Variants in MINDY2 observed in about 807,000 individuals in gnomAD.
MINDY2 encodes the protein ubiquitin carboxyl-terminal hydrolase MINDY-2.
MINDY2 carries 52 observed loss-of-function variants against 68.2 expected under a neutral mutation model. The observed-to-expected ratio is 0.76, with a 90% CI of 0.61 to 0.96. The LOEUF (loss-of-function observed/expected upper bound fraction) is 0.96, where lower values mean the gene tolerates loss of function less well. Among genes scored for constraint, MINDY2 ranks in the 40% least tolerant of loss-of-function variants. The pLI, the probability that MINDY2 is intolerant of heterozygous loss-of-function variation, is 0.00. For missense variants in MINDY2, 881 were observed against 773.4 expected (o/e 1.14, Z -1.65); for synonymous variants, 372 against 303.0 (o/e 1.23, Z -2.36).
intron 6 of MINDY2, among the ~76,000 whole-genome samples, chr15:58,835,558 C>G (rs1314991873): frequency 6.6e-6 from 1 of 152,092 alleles, no homozygotes; most frequent in Non-Finnish European, 1.5e-5. Flanking sequence ...GAGGCTGAGG[C>G]AGGAGAATCG....
In MINDY2 at chr15:58,821,812, T is replaced by C; in HGVS notation, c.1218T>C (p.Val406=). The change falls in exon 5 of 9, where the codon GTT becomes GTC. Residue 406 remains valine, a synonymous_variant. Coordinates refer to ENST00000559228, the MANE Select transcript of MINDY2 (RefSeq NM_001040450.3). Reference sequence around the variant, plus strand: ...AACAGTCAGACAATAGTGAGCTGGTTAGTGAAGGTGGGTGAGTGCTGCTAT... The same window carrying C: ...AACAGTCAGACAATAGTGAGCTGGTCAGTGAAGGTGGGTGAGTGCTGCTAT... ...SCKQSDNSEL[V]SEGFVAEQFL... 6.3e-7 allele frequency: 1 copy of C among 1,582,542 alleles called. No individual in the cohort carries two copies. Among genetic ancestry groups the C allele is most frequent in the Non-Finnish European group, 8.6e-7 (1 of 1,168,012 alleles).
chr15:58,777,315 A>C (rs1442465290), intron 1 of MINDY2, among the ~76,000 whole-genome samples: 1 of 152,170 alleles, frequency 6.6e-6, no homozygotes, highest in Non-Finnish European at 1.5e-5. Flanking sequence ...GATCATCTGA[A>C]ATTATTAGAA....
rs1413171460 is a variant in MINDY2, at chr15:58,860,748, CAT to C, written c.*6139_*6140del. ...CCTTACATTGTGAACATAATTGCAA[CAT>C]GTTTTAAGACAAACAGTATTTAATC... On this transcript the variant is annotated 3_prime_UTR_variant, in exon 9 of 9. Coordinates refer to ENST00000559228, the MANE Select transcript of MINDY2 (RefSeq NM_001040450.3). 1 of 152,110 alleles carries C rather than the reference CAT, an allele frequency of 6.6e-6. No individual in the cohort carries two copies. The highest frequency in any genetic ancestry group is 1.5e-5 in the Non-Finnish European group (1 of 68,038). The allele number at this position is 152,110 out of a possible 1,614,324, so 9.4% of individuals were successfully genotyped here.
intron 1 of MINDY2, among the ~76,000 whole-genome samples, chr15:58,775,859 ATTTT>A (rs544164455): frequency 2.1e-5 from 3 of 139,594 alleles, no homozygotes; most frequent in Non-Finnish European, 3.1e-5. Flanking sequence ...AAGAGGCTAA[ATTTT>A]TTTTTTTTTT....
chr15:58,803,743 G>A (rs1040409891), intron 3 of MINDY2, among the ~76,000 whole-genome samples: 1 of 152,006 alleles, frequency 6.6e-6, no homozygotes, highest in Non-Finnish European at 1.5e-5. Context: ...TTGAACCAGG[G>A]AGGCGGAGGT....
intron 6 of MINDY2, among the ~76,000 whole-genome samples, chr15:58,842,717 A>C (rs1427926050): frequency 6.6e-6 from 1 of 152,220 alleles, no homozygotes; most frequent in Non-Finnish European, 1.5e-5. Context: ...CTGTTTATGA[A>C]GCAGTTAGAG....
chr15:58,839,045 C>T (rs1008544009), intron 6 of MINDY2, among the ~76,000 whole-genome samples: 4 of 151,812 alleles, frequency 2.6e-5, no homozygotes, highest in Non-Finnish European at 4.4e-5. Flanking sequence ...ACTGGTTGTA[C>T]CAATTTCTAT....
intron 2 of MINDY2, chr15:58,795,999 C>G (rs967808717): frequency 6.9e-6 from 3 of 437,848 alleles, no homozygotes; most frequent in South Asian, 3.3e-5. Flanking sequence ...AGAATACTCT[C>G]TTTATGACTT....
chr15:58,773,300 A>T (rs1676933031), intron 1 of MINDY2, among the ~76,000 whole-genome samples: 2 of 152,218 alleles, frequency 1.3e-5, no homozygotes, highest in South Asian at 4.1e-4. Context: ...AAAAAGAAAA[A>T]TAACCTGGAT....
intron 6 of MINDY2, among the ~76,000 whole-genome samples, chr15:58,838,859 G>A (rs1376446241): frequency 1.3e-5 from 2 of 151,808 alleles, no homozygotes; most frequent in African/African-American, 4.8e-5. Flanking sequence ...GAGATTACAG[G>A]TGTGAGCCAC....
intron 2 of MINDY2, chr15:58,796,188 A>G (rs1357612039): frequency 1.3e-5 from 6 of 454,294 alleles, no homozygotes; most frequent in Admixed American, 4.7e-5. Context: ...GAAAAGGCTT[A>G]ATGGAGAACA....
At chr15:58,838,075 T>C (rs1006972271) in intron 6 of MINDY2, among the ~76,000 whole-genome samples, 1 of 150,894 alleles carries the variant, frequency 6.6e-6, no homozygotes, top group Non-Finnish European at 1.5e-5. Flanking sequence ...ATCGCATAAA[T>C]ACATTTCATC....
At chr15:58,802,406 A>C in intron 3 of MINDY2, 29 bp downstream of exon 3, 1 of 1,423,472 alleles carries the variant, frequency 7.0e-7, no homozygotes, top group South Asian at 1.3e-5. Flanking sequence ...TAAAGTATAT[A>C]ATTTTAAAGT....
chr15:58,837,699 C>G (rs2032064753), intron 6 of MINDY2, among the ~76,000 whole-genome samples: 1 of 151,936 alleles, frequency 6.6e-6, no homozygotes, highest in Non-Finnish European at 1.5e-5. Context: ...ACCAGCCAGG[C>G]TTACACATGT....
chr15:58,818,676 G>A (rs1426747895), intron 4 of MINDY2, among the ~76,000 whole-genome samples: 2 of 140,740 alleles, frequency 1.4e-5, no homozygotes, highest in African/African-American at 5.5e-5. Context: ...TTTTGAGACA[G>A]TGTTTTTGTT....
At chr15:58,814,988 C>T (rs2030581492) in intron 4 of MINDY2, among the ~76,000 whole-genome samples, 1 of 151,924 alleles carries the variant, frequency 6.6e-6, no homozygotes, top group African/African-American at 2.4e-5. Context: ...GTCCCTTATG[C>T]TTTTGGTGTC....
In MINDY2 at chr15:58,788,029, C is replaced by G. The variant is rs28736366; in HGVS notation, c.898+66C>G. On this transcript the variant is annotated intron_variant, in intron 2 of 8. Transcript: ENST00000559228. ...AAAGTTTTCAAAGCTAGTTGATTAC[C>G]CAGTCTCACCTTTCTGAAGTGCTAT... 2.8e-4 allele frequency: 295 copies of G among 1,058,688 alleles called. 4 individuals are homozygous for G. In the African/African-American group the frequency reaches 4.2e-3, roughly 15 times the overall value. 65.6% of individuals were successfully genotyped at this position (1,058,688 alleles called of 1,614,324 possible).
chr15:58,802,872 G>A (rs758072147), intron 3 of MINDY2, among the ~76,000 whole-genome samples: 1 of 152,182 alleles, frequency 6.6e-6, no homozygotes, highest in Non-Finnish European at 1.5e-5. Context: ...TGCAATGTAG[G>A]AGGTATCACT....
At chr15:58,823,108 T>C (rs1422929788) in intron 5 of MINDY2, among the ~76,000 whole-genome samples, 1 of 151,820 alleles carries the variant, frequency 6.6e-6, no homozygotes, top group African/African-American at 2.4e-5. Context: ...CATAGTATTT[T>C]AGTTAAGGTT....
Sources: gnomAD v4.1 joint callset for allele counts (sites outside exome capture counted in the v4.1 genomes callset) on GRCh38, gnomAD v4.1.1 for gene constraint, MANE v1.5 for transcripts, NCBI Gene and HGNC (gene_info 2026-07-23, HGNC 2026-07-21) for gene names.